Variants in SEL1L3 observed in about 807,000 individuals in gnomAD.
The protein encoded by SEL1L3 is protein sel-1 homolog 3.
In SEL1L3, 76 loss-of-function variants were observed where a neutral mutation model predicts 142.8. That is an observed-to-expected ratio of 0.53 (90% CI 0.44 to 0.64). The LOEUF is 0.64. Ranked by LOEUF, SEL1L3 falls within the 30% of genes least tolerant of loss-of-function variation. The probability of loss-of-function intolerance (pLI) is 0.00; values close to 1 mark genes in which losing one functional copy is unlikely to be tolerated. For missense variants in SEL1L3, 1,262 were observed against 1,381.7 expected (o/e 0.91, Z 1.37); for synonymous variants, 504 against 519.6 (o/e 0.97, Z 0.41).
chr4:25,809,580 G>A (rs997425632), intron 9 of SEL1L3, among the ~76,000 whole-genome samples: 12 of 152,114 alleles, frequency 7.9e-5, no homozygotes, highest in Admixed American at 5.2e-4. Flanking sequence ...CTCCGCTCCT[G>A]ACCCCGTATA....
intron 6 of SEL1L3, among the ~76,000 whole-genome samples, chr4:25,826,163 G>A (rs1417793784): frequency 6.6e-6 from 1 of 152,178 alleles, no homozygotes; most frequent in Non-Finnish European, 1.5e-5. Context: ...TTCCAGAGTT[G>A]AGTGCTGTGT....
rs1469958167 is a variant in SEL1L3 at position 25,833,403 on chromosome 4, T to C, written c.982+45A>G. ...GACATATCTGTCACTAGGCAGAGCA[T>C]TACAAAATTACAATATCATTTTAAA... On this transcript the variant is annotated intron_variant, in intron 4 of 23. Coordinates refer to ENST00000399878, the MANE Select transcript of SEL1L3 (RefSeq NM_015187.5). 5.1e-6 allele frequency: 8 copies of C among 1,567,300 alleles called. No homozygotes were observed. In the East Asian group the frequency reaches 9.0e-5, roughly 18 times the overall value.
chr4:25,767,892 C>T (rs558157224), intron 17 of SEL1L3, 62 bp from the exon 18 acceptor site: 2 of 1,055,196 alleles, frequency 1.9e-6, no homozygotes, highest in South Asian at 2.9e-5. Flanking sequence ...TCACAGAGAG[C>T]TTTACATTCA....
At chr4:25,736,628 A>G in the SEL1L3 span, among the ~76,000 whole-genome samples, 1 of 152,144 alleles carries the variant, frequency 6.6e-6, no homozygotes, top group Non-Finnish European at 1.5e-5. Flanking sequence ...GTATTTTGCA[A>G]TTGTTGGGCA....
At chr4:25,814,040 T>C (rs1714206127) in intron 9 of SEL1L3, among the ~76,000 whole-genome samples, 1 of 152,210 alleles carries the variant, frequency 6.6e-6, no homozygotes, top group African/African-American at 2.4e-5. Flanking sequence ...AACGTGCATA[T>C]GTAGCGGCCT....
downstream of SEL1L3, among the ~76,000 whole-genome samples, chr4:25,744,817 C>T (rs1171788874): frequency 6.6e-6 from 1 of 152,174 alleles, no homozygotes; most frequent in Non-Finnish European, 1.5e-5. Flanking sequence ...GAAGAGACAC[C>T]AACCATGTGA....
At chr4:25,820,072 C>G (rs1356902138) in intron 7 of SEL1L3, 132 bp from the exon 8 acceptor site, 2 of 778,010 alleles carry the variant, frequency 2.6e-6, no homozygotes, top group Non-Finnish European at 4.1e-6. Flanking sequence ...CACATATCAT[C>G]CACTCTGGAT....
the SEL1L3 span, among the ~76,000 whole-genome samples, chr4:25,728,460 C>T: frequency 2.6e-5 from 4 of 152,240 alleles, no homozygotes; most frequent in East Asian, 7.8e-4. Flanking sequence ...CCCACTGTTC[C>T]CTGAAACACC....
intron 11 of SEL1L3, among the ~76,000 whole-genome samples, chr4:25,795,463 G>C (rs4697116): frequency 0.21 from 32,604 of 152,184 alleles, 4,017 homozygotes; most frequent in Admixed American, 0.31. Context: ...TAGAACTGGG[G>C]GAGGGTGTGT....
rs549233189 is a variant in SEL1L3 at position 25,761,376 on chromosome 4, G to C, written c.2956-2308C>G. 4.6e-5 allele frequency among the ~76,000 whole-genome samples: 7 copies of C among 152,194 alleles called. 1 individual carries two copies. In the East Asian group the frequency reaches 1.4e-3, roughly 29 times the overall value. On this transcript the variant is annotated intron_variant, in intron 20 of 23. Coordinates refer to ENST00000399878, the MANE Select transcript of SEL1L3 (RefSeq NM_015187.5). ...TCTCCATGTCAGCCAGGCTGGTCTCGACCTTCTGACCTCAGTTAATCCGCC... is the reference window on the plus strand; with the variant it reads ...TCTCCATGTCAGCCAGGCTGGTCTCCACCTTCTGACCTCAGTTAATCCGCC...
At chr4:25,784,158 T>C (rs776726403) in intron 14 of SEL1L3, 70 bp downstream of exon 14, 113 of 1,323,198 alleles carry the variant, frequency 8.5e-5, no homozygotes, top group Non-Finnish European at 1.2e-4. Flanking sequence ...CCATTTCCTC[T>C]TTTAGACGTG....
At chr4:25,848,074 A>T (rs1716658477) in intron 1 of SEL1L3, among the ~76,000 whole-genome samples, 1 of 151,712 alleles carries the variant, frequency 6.6e-6, no homozygotes, top group African/African-American at 2.4e-5. Flanking sequence ...GCCACATTAA[A>T]CTCTCTCCCC....
intron 23 of SEL1L3, chr4:25,756,246 G>A: frequency 1.0e-6 from 1 of 985,292 alleles, no homozygotes; most frequent in Non-Finnish European, 1.2e-6. Flanking sequence ...CGTCCGAGAT[G>A]GTAAAAAATC....
rs751657359 is a variant in SEL1L3 at position 25,847,363 on chromosome 4, G to C, written c.664C>G (p.Leu222Val). 2 of 1,613,870 alleles carry C rather than the reference G, an allele frequency of 1.2e-6. No homozygotes were observed. The highest frequency in any genetic ancestry group is 1.7e-6 in the Non-Finnish European group (2 of 1,179,898). ...CAAATATAACCCATGTTCCACTCAA[G>C]GCACACTTGATGATCTTTGAAAGGG... ...ERPFKDHQVC[L>V]EWNMGYIWNL... The change falls in exon 2 of 24, where the codon CTT becomes GTT. Residue 222 changes from leucine (L) to valine (V), a missense_variant. Physicochemically the swap from Leu to Val is conservative, Grantham distance 32. This residue lies in a region of SEL1L3 where 689 missense variants were observed against 692.8 expected (regional missense o/e 0.99). Transcript: ENST00000399878.
At chr4:25,815,330 C>T (rs1714321276) in intron 9 of SEL1L3, among the ~76,000 whole-genome samples, 1 of 152,178 alleles carries the variant, frequency 6.6e-6, no homozygotes, top group African/African-American at 2.4e-5. Context: ...AACAGGCTCA[C>T]TGTGCGGGAA....
At chr4:25,727,351 C>T in the SEL1L3 span, among the ~76,000 whole-genome samples, 773 of 152,254 alleles carry the variant, frequency 5.1e-3, 6 homozygotes, top group Admixed American at 0.011. Context: ...CATGCCTGCC[C>T]CAAATTTCCT....
chr4:25,833,340 G>T, intron 4 of SEL1L3, 108 bp downstream of exon 4: 2 of 1,078,856 alleles, frequency 1.9e-6, no homozygotes, highest in Non-Finnish European at 2.7e-6. Flanking sequence ...TGCTCTTGCT[G>T]GGCTGCCATG....
chr4:25,778,011 G>A, intron 16 of SEL1L3: 1 of 344,640 alleles, frequency 2.9e-6, no homozygotes, highest in Non-Finnish European at 5.7e-6. Flanking sequence ...CTTAGCTCTT[G>A]GAGCCATACA....
intron 11 of SEL1L3, among the ~76,000 whole-genome samples, chr4:25,799,334 C>G (rs1713016283): frequency 6.6e-6 from 1 of 152,190 alleles, no homozygotes. Flanking sequence ...CTCCTCCTCC[C>G]AAAGTGCTGG....
Sources: allele counts gnomAD v4.1 joint callset (sites outside exome capture counted in the v4.1 genomes callset), GRCh38; gene constraint gnomAD v4.1.1; regional missense constraint gnomAD v4.1.1; transcripts MANE v1.5; gene names NCBI Gene and HGNC (gene_info 2026-07-23, HGNC 2026-07-21).